The following SCN3A variants were observed in gnomAD, a reference collection of about 807,000 sequenced individuals.
SCN3A encodes sodium channel protein type 3 subunit alpha.
A neutral mutation model predicts 187.6 loss-of-function variants in SCN3A; 60 were observed. The ratio of observed to expected loss-of-function variants is 0.32; its 90% CI spans 0.26 to 0.40. SCN3A has a LOEUF of 0.40. Ranked by LOEUF, SCN3A falls within the 10% of genes least tolerant of loss-of-function variation. SCN3A has a pLI of 1.00. For synonymous variants in SCN3A, 788 were observed against 829.2 expected (o/e 0.95, Z 0.85); for missense variants, 1,601 against 2,428.2 (o/e 0.66, Z 7.16).
chr2:165,152,970 A>G (rs1370869660), intron 11 of SCN3A, among the ~76,000 whole-genome samples: 1 of 151,646 alleles, frequency 6.6e-6, no homozygotes, highest in East Asian at 1.9e-4. Flanking sequence ...ACAGAACTAC[A>G]AGGGACATAA....
At chr2:165,182,916 G>T (rs1246781468) in intron 2 of SCN3A, among the ~76,000 whole-genome samples, 2 of 148,836 alleles carry the variant, frequency 1.3e-5, no homozygotes, top group Non-Finnish European at 3.0e-5. Flanking sequence ...ATTCAAGGCT[G>T]CAGTGAGCTA....
intron 1 of SCN3A, among the ~76,000 whole-genome samples, chr2:165,187,686 G>A (rs145192643): frequency 0.012 from 1,895 of 152,128 alleles, 22 homozygotes; most frequent in Non-Finnish European, 0.019. Flanking sequence ...TCCTACCCTT[G>A]TTCAAATCTG....
chr2:165,093,114 T>C (rs1412082296), intron 26 of SCN3A: 1 of 152,362 alleles, frequency 6.6e-6, no homozygotes, highest in African/African-American at 2.4e-5. Flanking sequence ...ATGTAGTCTT[T>C]GCTTGATTTG....
Position 165,140,743 on chromosome 2 carries a change from T to C in SCN3A, c.1927A>G (p.Lys643Glu), listed in dbSNP as rs1490499639. The change falls in exon 13 of 28, where the codon AAG becomes GAG. Residue 643 changes from lysine to glutamate, a missense_variant. Around this residue, in one of 11 missense-constraint regions of SCN3A, gnomAD observed 376 missense variants for 476.0 expected, o/e 0.79. Transcript: ENST00000283254. This position sits in a 1 kb window ranked among gnomAD's most constrained non-coding sequence, Gnocchi z 4.2. ...RMVPGLPANG[K>E]MHSTVDCNGV... The stretch of plus-strand genomic sequence containing the variant: ...TTGCAATCCACAGTGCTGTGCATCT[T>C]CCCATTTGCTGGAAGCCCTGGCACC... 1 of 1,614,032 alleles carries C rather than the reference T, an allele frequency of 6.2e-7. No individual in the cohort carries two copies. Among genetic ancestry groups the C allele is most frequent in the South Asian group, 1.1e-5 (1 of 91,076 alleles).
At chr2:165,129,689 A>G (rs1038715295) in intron 17 of SCN3A, among the ~76,000 whole-genome samples, 7 of 152,230 alleles carry the variant, frequency 4.6e-5, no homozygotes, top group Non-Finnish European at 1.0e-4. Flanking sequence ...GCCCCCAGGC[A>G]TTCATAAATA....
chr2:165,148,035 A>G (rs1688457670), intron 11 of SCN3A, among the ~76,000 whole-genome samples: 1 of 152,184 alleles, frequency 6.6e-6, no homozygotes, highest in South Asian at 2.1e-4. Context: ...AAATACAAAC[A>G]AATCTAACTT....
chr2:165,099,683 C>A (rs1283154627), intron 22 of SCN3A, among the ~76,000 whole-genome samples: 1 of 152,180 alleles, frequency 6.6e-6, no homozygotes, highest in Non-Finnish European at 1.5e-5. Flanking sequence ...CACCACTGCA[C>A]TCCAGCCTGG....
Position 165,128,111 on chromosome 2 carries a change from A to G in SCN3A, c.2923-10T>C, listed in dbSNP as rs995702441. ...GAAAGAGGTTCAGAACCTAAAAGAAAAAAAGAAAAATGTCTATTTTAATAT... is the reference window on the plus strand; with the variant it reads ...GAAAGAGGTTCAGAACCTAAAAGAAGAAAAGAAAAATGTCTATTTTAATAT... On this transcript the variant is annotated splice_polypyrimidine_tract_variant and intron_variant, in intron 17 of 27. Transcript: ENST00000283254. The G allele has an allele frequency of 2.5e-6, 4 of 1,592,618 alleles. No individual in the cohort carries two copies. Among genetic ancestry groups the G allele is most frequent in the Non-Finnish European group, 3.4e-6 (4 of 1,170,008 alleles).
Position 165,113,059 on chromosome 2 carries a change from C to T in SCN3A, c.3670-1G>A. 6.2e-7 allele frequency: 1 copy of T among 1,607,936 alleles called. No individual in the cohort carries two copies. The highest frequency in any genetic ancestry group is 8.5e-7 in the Non-Finnish European group (1 of 1,176,278). The stretch of plus-strand genomic sequence containing the variant: ...GTTCAATGTATATATCTTCAAAGGC[C>T]TATGAATCAAAAATATTTTATTTTA... On this transcript the variant is annotated splice_acceptor_variant, in intron 20 of 27. Coordinates refer to ENST00000283254, the MANE Select transcript of SCN3A (RefSeq NM_006922.4). LOFTEE classifies it high-confidence loss of function.
chr2:165,140,845 C>G lies in SCN3A; in HGVS notation c.1825G>C (p.Asp609His). Residue 609 changes from aspartate (D) to histidine (H), a missense_variant, in exon 13 of 28, where the codon GAC (aspartate) becomes CAC (histidine). Coordinates refer to ENST00000283254, the MANE Select transcript of SCN3A (RefSeq NM_006922.4). The surrounding 1 kb of genome is among the most constrained non-coding windows in gnomAD (Gnocchi z 4.2). The stretch of plus-strand genomic sequence containing the variant: ...TGTCTGTGCGGCACAAACAGTGAGT[C>G]TCTCCTGCTTTCGCTGTCTTCAAAT... Reference protein sequence around the residue: ...STFEDSESRRDSLFVPHRHGE... With the variant: ...STFEDSESRRHSLFVPHRHGE... 1.2e-6 allele frequency: 2 copies of G among 1,614,166 alleles called. No individual in the cohort carries two copies. The highest frequency in any genetic ancestry group is 8.5e-7 in the Non-Finnish European group (1 of 1,180,024).
intron 2 of SCN3A, among the ~76,000 whole-genome samples, chr2:165,180,829 G>A (rs1690801904): frequency 6.6e-6 from 1 of 152,078 alleles, no homozygotes; most frequent in Non-Finnish European, 1.5e-5. Context: ...GGACAGGCAG[G>A]GAGTGATCCT....
intron 2 of SCN3A, chr2:165,179,452 G>A (rs995331305): frequency 6.6e-6 from 1 of 152,162 alleles, no homozygotes; most frequent in Non-Finnish European, 1.5e-5. Context: ...GGAAATCACC[G>A]AGTAATTTTC....
At chr2:165,159,865 C>G (rs1415534459) in intron 9 of SCN3A, among the ~76,000 whole-genome samples, 1 of 136,782 alleles carries the variant, frequency 7.3e-6, no homozygotes, top group Non-Finnish European at 1.5e-5. Context: ...CATCACCTGG[C>G]TCACTCCTGT....
chr2:165,141,579 CTGTT>C (rs1311384438), intron 12 of SCN3A, among the ~76,000 whole-genome samples: 2 of 152,162 alleles, frequency 1.3e-5, no homozygotes, highest in Admixed American at 1.3e-4. Flanking sequence ...TTCTCTGAAA[CTGTT>C]TGTCTCTACC....
chr2:165,115,875 G>T (rs1001952122), intron 18 of SCN3A, among the ~76,000 whole-genome samples: 3 of 152,136 alleles, frequency 2.0e-5, no homozygotes, highest in African/African-American at 7.2e-5. Context: ...AATGCCATAT[G>T]AATATAACTT....
chr2:165,088,448 A>T lies in SCN3A; in HGVS notation c.*1702T>A, dbSNP rs2105608994. 1 of 152,596 alleles carries T rather than the reference A, an allele frequency of 6.6e-6. No individual in the cohort carries two copies. The highest frequency in any genetic ancestry group is 2.4e-5 in the African/African-American group (1 of 41,562). The allele number at this position is 152,596 out of a possible 1,614,324, so 9.5% of individuals were successfully genotyped here. A position where few individuals can be genotyped will look rare whatever the true frequency, so the allele number is the denominator to read the frequency against. ...GCATACGTAAATACTACAAAAGTTGAATAAAAAAAAACATCTATGAATAAA... is the reference window on the plus strand; with the variant it reads ...GCATACGTAAATACTACAAAAGTTGTATAAAAAAAAACATCTATGAATAAA... On this transcript the variant is annotated 3_prime_UTR_variant, in exon 28 of 28. Transcript: ENST00000283254.
intron 17 of SCN3A, among the ~76,000 whole-genome samples, chr2:165,129,462 A>G (rs1687185190): frequency 6.6e-6 from 1 of 152,192 alleles, no homozygotes; most frequent in Non-Finnish European, 1.5e-5. Context: ...CTTCATTGAA[A>G]TGTGTCTTCA....
chr2:165,164,317 T>C, intron 6 of SCN3A, 75 bp downstream of exon 6: 1 of 1,584,090 alleles, frequency 6.3e-7, no homozygotes, highest in Non-Finnish European at 8.7e-7. Context: ...ACATTTAATA[T>C]ATGACACAAA....
chr2:165,118,907 C>T lies in SCN3A; in HGVS notation c.3394-3332G>A, dbSNP rs534157171. Among the ~76,000 whole-genome samples, 19 of 152,232 alleles carry T rather than the reference C, an allele frequency of 1.2e-4. No individual in the cohort carries two copies. In the East Asian group the frequency reaches 1.5e-3, roughly 12 times the overall value. On this transcript the variant is annotated intron_variant, in intron 18 of 27. Transcript: ENST00000283254. Reference sequence around the variant, plus strand: ...CCTCTCTAGTAGCTGGGACTACAGGCGCCCGCCACCATGATTGGCTAATTT... The same window carrying T: ...CCTCTCTAGTAGCTGGGACTACAGGTGCCCGCCACCATGATTGGCTAATTT...
Sources: gnomAD v4.1 joint callset for allele counts (sites outside exome capture counted in the v4.1 genomes callset) on GRCh38, gnomAD v4.1.1 for gene constraint, gnomAD v4.1.1 regional missense constraint, Gnocchi (gnomAD v3.1) non-coding constraint, MANE v1.5 for transcripts, NCBI Gene and HGNC (gene_info 2026-07-23, HGNC 2026-07-21) for gene names.